The following CSMD1 variants were observed in gnomAD, a reference collection of about 807,000 sequenced individuals.
CSMD1 encodes CUB and Sushi multiple domains 1.
Under a neutral mutation model 417.5 loss-of-function variants are expected in CSMD1, and 213 were observed. That is an observed-to-expected ratio of 0.51 (90% CI 0.46 to 0.57). CSMD1 has a LOEUF of 0.57. Ranked by LOEUF, CSMD1 falls within the 20% of genes least tolerant of loss-of-function variation. CSMD1 has a pLI of 0.00. For missense variants in CSMD1, 6,923 were observed against 4,529.7 expected (o/e 1.53, Z -15.17); for synonymous variants, 2,862 against 1,736.8 (o/e 1.65, Z -16.11).
chr8:4,263,628 A>C (rs1804037149), intron 3 of CSMD1, among the ~76,000 whole-genome samples: 1 of 152,198 alleles, frequency 6.6e-6, no homozygotes, highest in South Asian at 2.1e-4. Flanking sequence ...TCAAATAGGA[A>C]ACCATATCAT....
intron 50 of CSMD1, among the ~76,000 whole-genome samples, chr8:3,052,175 C>G (rs537553952): frequency 4.7e-4 from 72 of 152,278 alleles, no homozygotes; most frequent in Middle Eastern, 3.4e-3. Context: ...TTTCATCCCT[C>G]CAGATTGAAA....
At chr8:4,009,191 G>A (rs577679447) in intron 4 of CSMD1, among the ~76,000 whole-genome samples, 35 of 152,226 alleles carry the variant, frequency 2.3e-4, no homozygotes, top group Admixed American at 1.2e-3. Context: ...TCTGTAGGTT[G>A]GGAAAATAAT....
At position 4,090,359 on chromosome 8, in the gene CSMD1, A is replaced by G. The variant is rs7821362; in HGVS notation, c.416-58260T>C. On this transcript the variant is annotated intron_variant, in intron 3 of 69. Transcript: ENST00000635120. ...GAGTCATTATCTATCATGCCTTAAA[A>G]ATAAATTACAAAGTGTCAGATTTTC... Among the ~76,000 whole-genome samples, 624 of 152,340 alleles carry G rather than the reference A, an allele frequency of 4.1e-3. 9 individuals are homozygous for G. Among genetic ancestry groups the G allele is most frequent in the African/African-American group, 0.014 (599 of 41,572 alleles).
At chr8:4,616,581 A>G in intron 2 of CSMD1, among the ~76,000 whole-genome samples, 1 of 152,350 alleles carries the variant, frequency 6.6e-6, no homozygotes, top group East Asian at 1.9e-4. Flanking sequence ...AACTTTGGTT[A>G]AATACAAAAC....
chr8:4,414,011 C>T (rs895015650), intron 3 of CSMD1, among the ~76,000 whole-genome samples: 8 of 152,162 alleles, frequency 5.3e-5, no homozygotes, highest in African/African-American at 1.4e-4. Flanking sequence ...GAGCCAGCTG[C>T]TCTTCTTGTG....
chr8:3,826,259 C>T (rs572687307), intron 5 of CSMD1, among the ~76,000 whole-genome samples: 3 of 152,128 alleles, frequency 2.0e-5, no homozygotes, highest in South Asian at 4.2e-4. Flanking sequence ...AGCCCAGGCA[C>T]GGGTCACCCA....
chr8:4,787,135 A>T (rs1797441543), intron 1 of CSMD1, among the ~76,000 whole-genome samples: 2 of 152,190 alleles, frequency 1.3e-5, no homozygotes, highest in Admixed American at 1.3e-4. Flanking sequence ...GAGGGAAACT[A>T]TCCGCCTATA....
At chr8:4,024,790 G>A (rs1333413221) in intron 4 of CSMD1, among the ~76,000 whole-genome samples, 2 of 152,186 alleles carry the variant, frequency 1.3e-5, no homozygotes, top group African/African-American at 2.4e-5. Flanking sequence ...GTTTATGACA[G>A]CTTGTGACTG....
intron 3 of CSMD1, among the ~76,000 whole-genome samples, chr8:4,245,726 T>C (rs79459317): frequency 7.0e-4 from 106 of 152,296 alleles, no homozygotes; most frequent in African/African-American, 2.4e-3. Context: ...CTCTAAGATA[T>C]ACACTTCTTG....
Position 4,894,649 on chromosome 8 carries a change from G to A in CSMD1, c.85+99683C>T, listed in dbSNP as rs59911800. ...TCATTTATCTGCAAATATCTGCAAAGGGATTTTAATGTGTTTCATTCTTGA... is the reference window on the plus strand; with the variant it reads ...TCATTTATCTGCAAATATCTGCAAAAGGATTTTAATGTGTTTCATTCTTGA... On this transcript the variant is annotated intron_variant, in intron 1 of 69. Transcript: ENST00000635120. Among the ~76,000 whole-genome samples the A allele has an allele frequency of 6.1e-3, 925 of 151,866 alleles. 21 individuals are homozygous for A. Among genetic ancestry groups the A allele is most frequent in the African/African-American group, 0.021 (887 of 41,370 alleles).
intron 1 of CSMD1, among the ~76,000 whole-genome samples, chr8:4,760,858 A>G (rs1673243): frequency 0.81 from 123,602 of 152,146 alleles, 50,391 homozygotes; most frequent in African/African-American, 0.85. Context: ...TAATGCCTGT[A>G]ATATACAACT....
chr8:3,833,317 G>C (rs2129088832), intron 5 of CSMD1, among the ~76,000 whole-genome samples: 1 of 151,958 alleles, frequency 6.6e-6, no homozygotes, highest in African/African-American at 2.4e-5. Flanking sequence ...ATTTCTATTC[G>C]GAAAACATTA....
intron 12 of CSMD1, among the ~76,000 whole-genome samples, chr8:3,467,784 T>A (rs1264830886): frequency 2.6e-5 from 4 of 152,206 alleles, no homozygotes; most frequent in Non-Finnish European, 4.4e-5. Context: ...TGATTTAGGA[T>A]TGGTGGATGC....
At chr8:4,788,494 C>G (rs1797526952) in intron 1 of CSMD1, 7 of 1,351,428 alleles carry the variant, frequency 5.2e-6, no homozygotes, top group Non-Finnish European at 7.4e-6. Context: ...GGGTAGACAA[C>G]CATTTAGTAT....
intron 41 of CSMD1, among the ~76,000 whole-genome samples, chr8:3,130,609 G>T (rs1186290675): frequency 6.6e-6 from 1 of 151,912 alleles, no homozygotes; most frequent in African/African-American, 2.4e-5. Flanking sequence ...TCCGCTCCCA[G>T]TGCACCAGCC....
chr8:4,470,700 G>A (rs573083769), intron 2 of CSMD1, among the ~76,000 whole-genome samples: 5 of 152,252 alleles, frequency 3.3e-5, no homozygotes, highest in East Asian at 1.9e-4. Flanking sequence ...GTACGAAAGA[G>A]TAAAGACAAA....
chr8:4,530,313 G>GGTTTTTTTT (rs1796738469), intron 2 of CSMD1, among the ~76,000 whole-genome samples: 1 of 48,388 alleles, frequency 2.1e-5, no homozygotes, highest in Non-Finnish European at 4.5e-5. Flanking sequence ...TACAGGTAGT[G>GGTTTTTTTT]CTTTTTTTTT....
chr8:3,598,528 G>A (rs1233013463), intron 8 of CSMD1, among the ~76,000 whole-genome samples: 1 of 152,154 alleles, frequency 6.6e-6, no homozygotes, highest in African/African-American at 2.4e-5. Flanking sequence ...CCCTGGCTGT[G>A]ACGTCTCCCC....
chr8:4,089,369 C>T (rs952848766), intron 3 of CSMD1, among the ~76,000 whole-genome samples: 2 of 152,150 alleles, frequency 1.3e-5, no homozygotes, highest in Admixed American at 6.6e-5. Context: ...ACTGAGAAGA[C>T]ATTTTCAGAG....
Sources: gnomAD v4.1 joint callset for allele counts (sites outside exome capture counted in the v4.1 genomes callset) on GRCh38, gnomAD v4.1.1 for gene constraint, MANE v1.5 for transcripts, NCBI Gene and HGNC (gene_info 2026-07-23, HGNC 2026-07-21) for gene names.